Variants in GSAP observed in about 807,000 individuals in gnomAD.
The protein encoded by GSAP is gamma-secretase-activating protein.
A neutral mutation model predicts 131.7 loss-of-function variants in GSAP; 118 were observed. The observed-to-expected ratio is 0.90, with a 90% confidence interval of 0.77 to 1.04. The LOEUF is 1.04. Among genes scored for constraint, GSAP ranks in the 50% least tolerant of loss-of-function variants. The pLI, the probability that GSAP is intolerant of heterozygous loss-of-function variation, is 0.00. For missense variants in GSAP, 1,019 were observed against 1,013.2 expected (o/e 1.01, Z -0.08); for synonymous variants, 381 against 363.4 (o/e 1.05, Z -0.55).
At chr7:77,323,592 C>A in intron 24 of GSAP, 55 bp downstream of exon 24, 1 of 839,900 alleles carries the variant, frequency 1.2e-6, no homozygotes, top group Non-Finnish European at 1.9e-6. Flanking sequence ...ATTTTCAGAA[C>A]TATATGGGGA....
chr7:77,334,952 G>T (rs1313402424), intron 19 of GSAP, among the ~76,000 whole-genome samples: 2 of 151,832 alleles, frequency 1.3e-5, no homozygotes, highest in African/African-American at 4.8e-5. Flanking sequence ...GTGTGGTGGC[G>T]GGCGCCTGTA....
intron 6 of GSAP, 95 bp downstream of exon 6, chr7:77,387,265 A>T (rs757271625): frequency 2.1e-5 from 15 of 713,352 alleles, no homozygotes; most frequent in Non-Finnish European, 3.8e-5. Flanking sequence ...TGAGGATTAA[A>T]TATGATAGAG....
intron 5 of GSAP, among the ~76,000 whole-genome samples, chr7:77,392,842 T>C (rs566245225): frequency 2.0e-5 from 3 of 152,236 alleles, no homozygotes; most frequent in Admixed American, 6.5e-5. Flanking sequence ...CTGTCTATGA[T>C]GGTGAGAGGG....
intron 18 of GSAP, among the ~76,000 whole-genome samples, chr7:77,350,842 G>A (rs924607551): frequency 2.0e-5 from 3 of 152,222 alleles, no homozygotes; most frequent in African/African-American, 7.2e-5. Context: ...CTGCTAACTA[G>A]TGAGTGTTAA....
intron 12 of GSAP, among the ~76,000 whole-genome samples, chr7:77,369,782 T>TA (rs145135654): frequency 0.08 from 12,146 of 152,156 alleles, 529 homozygotes; most frequent in Middle Eastern, 0.11. Context: ...ACAACAAAGG[T>TA]AAAAAAACAC....
intron 1 of GSAP, among the ~76,000 whole-genome samples, chr7:77,413,610 A>G (rs1450537582): frequency 6.6e-6 from 1 of 152,250 alleles, no homozygotes; most frequent in African/African-American, 2.4e-5. Flanking sequence ...AATAAGCAAA[A>G]GGAATGCATA....
In GSAP at chr7:77,314,412, C is replaced by T. The variant is rs768202154; in HGVS notation, c.2167G>A (p.Val723Met). The change falls in exon 27 of 31, where the codon GTG becomes ATG. Residue 723 changes from valine to methionine, a missense_variant. Transcript: ENST00000257626. ...ACAGCTGTTTCAGTGAGAAGCAACACTCCACTGTCAATGCAATGCAGCAGG... is the reference window on the plus strand; with the variant it reads ...ACAGCTGTTTCAGTGAGAAGCAACATTCCACTGTCAATGCAATGCAGCAGG... ...HNLLHCIDSG[V>M]LLLTETAVIR... 5.0e-6 allele frequency: 8 copies of T among 1,613,796 alleles called. No homozygotes were observed. The highest frequency in any genetic ancestry group is 1.3e-5 in the African/African-American group (1 of 75,012).
At chr7:77,360,199 T>C (rs1228876394) in intron 14 of GSAP, among the ~76,000 whole-genome samples, 1 of 152,212 alleles carries the variant, frequency 6.6e-6, no homozygotes, top group Non-Finnish European at 1.5e-5. Context: ...ATGTTCCATA[T>C]GTAAGCAAGT....
At chr7:77,313,223 G>A (rs1794600325) in intron 28 of GSAP, among the ~76,000 whole-genome samples, 1 of 152,198 alleles carries the variant, frequency 6.6e-6, no homozygotes, top group Admixed American at 6.5e-5. Context: ...AAATATTAGT[G>A]TGGTTTCCTA....
rs772438982 is a variant in GSAP, at chr7:77,330,328, T to G, written c.1585A>C (p.Asn529His). 2.0e-5 allele frequency: 32 copies of G among 1,613,768 alleles called. No individual in the cohort carries two copies. The highest frequency in any genetic ancestry group is 2.7e-5 in the Non-Finnish European group (32 of 1,179,866). Residue 529 changes from asparagine (N) to histidine (H), a missense_variant, in exon 20 of 31, where the codon AAC becomes CAC. Coordinates refer to ENST00000257626, the MANE Select transcript of GSAP (RefSeq NM_017439.4). ...FKGYWEKLNS[N>H]LEYVKYAKPH... is the part of the protein sequence containing the mutation. The stretch of plus-strand genomic sequence containing the variant: ...TTGGCGTACTTAACATATTCTAGGT[T>G]GGAGTTCAGTTTTTCCCAGTAGCCC...
chr7:77,322,650 C>G (rs1373862202), intron 24 of GSAP, among the ~76,000 whole-genome samples: 1 of 142,506 alleles, frequency 7.0e-6, no homozygotes, highest in East Asian at 2.2e-4. Context: ...ACACATTCAT[C>G]AAGTGAGTTC....
intron 20 of GSAP, chr7:77,329,964 ACCTGAG>A (rs1788853170): frequency 4.4e-6 from 1 of 227,646 alleles, no homozygotes; most frequent in Non-Finnish European, 8.5e-6. Flanking sequence ...TACATAAGTA[ACCTGAG>A]AACACATCTG....
chr7:77,322,710 G>A (rs1221526271), intron 24 of GSAP, among the ~76,000 whole-genome samples: 1 of 150,816 alleles, frequency 6.6e-6, no homozygotes, highest in Non-Finnish European at 1.5e-5. Context: ...TCAAATCCCT[G>A]ATTATAAATA....
At chr7:77,380,604 A>G (rs1355369752) in intron 8 of GSAP, among the ~76,000 whole-genome samples, 4 of 152,160 alleles carry the variant, frequency 2.6e-5, no homozygotes, top group Admixed American at 6.6e-5. Flanking sequence ...CTGAATGAGT[A>G]AAAAATGAAT....
intron 26 of GSAP, among the ~76,000 whole-genome samples, chr7:77,320,243 A>G (rs1319373459): frequency 1.3e-5 from 2 of 152,220 alleles, no homozygotes; most frequent in African/African-American, 4.8e-5. Flanking sequence ...ACAAATGACC[A>G]ATTAAATGAA....
intron 1 of GSAP, among the ~76,000 whole-genome samples, chr7:77,413,725 A>G (rs182246253): frequency 6.5e-4 from 99 of 152,312 alleles, no homozygotes; most frequent in African/African-American, 2.3e-3. Context: ...TAAAAATGTA[A>G]ATGGTTGCCA....
intron 1 of GSAP, among the ~76,000 whole-genome samples, chr7:77,414,795 T>C (rs574044917): frequency 8.0e-5 from 12 of 150,216 alleles, no homozygotes; most frequent in Admixed American, 2.6e-4. Context: ...AGCTGCCTGT[T>C]GTATTTCAAA....
At chr7:77,410,363 T>C (rs1563145133) in intron 1 of GSAP, among the ~76,000 whole-genome samples, 1 of 152,178 alleles carries the variant, frequency 6.6e-6, no homozygotes, top group Admixed American at 6.5e-5. Context: ...GAGTTGCCCA[T>C]GTCTTAACAC....
intron 22 of GSAP, 70 bp downstream of exon 22, chr7:77,328,536 T>C: frequency 1.9e-6 from 3 of 1,571,166 alleles, no homozygotes; most frequent in Admixed American, 2.0e-5. Flanking sequence ...CCCACAGTGG[T>C]AGGAAGAACA....
Sources: allele counts gnomAD v4.1 joint callset (sites outside exome capture counted in the v4.1 genomes callset), GRCh38; gene constraint gnomAD v4.1.1; transcripts MANE v1.5; gene names NCBI Gene and HGNC (gene_info 2026-07-23, HGNC 2026-07-21).